The following CAMTA1 variants were observed in gnomAD, a reference collection of about 807,000 sequenced individuals.
CAMTA1 encodes calmodulin binding transcription activator 1.
In CAMTA1, 27 loss-of-function variants were observed where a neutral mutation model predicts 170.9. That is an observed-to-expected ratio of 0.16 (90% CI 0.12 to 0.22). CAMTA1 has a LOEUF of 0.22. CAMTA1 is among the 10% of genes least tolerant of loss of function. The pLI is 1.00. For missense variants in CAMTA1, 1,619 were observed against 2,217.2 expected (o/e 0.73, Z 5.42); for synonymous variants, 833 against 891.5 (o/e 0.93, Z 1.17).
intron 3 of CAMTA1, among the ~76,000 whole-genome samples, chr1:6,916,519 CCTT>C (rs1241575459): frequency 1.3e-5 from 2 of 152,218 alleles, no homozygotes; most frequent in Non-Finnish European, 2.9e-5. Flanking sequence ...AATTCTCTCT[CCTT>C]CTTTAAACTT....
At chr1:7,646,587 G>A (rs1005398406) in intron 7 of CAMTA1, among the ~76,000 whole-genome samples, 2 of 150,674 alleles carry the variant, frequency 1.3e-5, no homozygotes, top group African/African-American at 4.9e-5. Flanking sequence ...TGAGTTGGGT[G>A]GAGGCTCTGG....
chr1:7,423,352 C>A (rs1296043175), intron 5 of CAMTA1, among the ~76,000 whole-genome samples: 1 of 152,036 alleles, frequency 6.6e-6, no homozygotes, highest in Non-Finnish European at 1.5e-5. Context: ...TGCCTGTAAT[C>A]CCAGCTACTT....
chr1:6,799,758 AGTT>A (rs1407743321), intron 1 of CAMTA1, among the ~76,000 whole-genome samples: 2 of 152,146 alleles, frequency 1.3e-5, no homozygotes, highest in African/African-American at 4.8e-5. Flanking sequence ...CTGTAATAAA[AGTT>A]GTGTGAATGT....
At position 7,751,100 on chromosome 1, in the gene CAMTA1, A is replaced by C. The variant is rs186810433; in HGVS notation, c.4690-99A>C. 7.2e-6 allele frequency: 7 copies of C among 977,230 alleles called. No individual in the cohort carries two copies. In the East Asian group the frequency reaches 1.4e-4, roughly 20 times the overall value. The allele number at this position is 977,230 out of a possible 1,614,324, so 60.5% of individuals were successfully genotyped here. On this transcript the variant is annotated intron_variant, in intron 19 of 22. Coordinates refer to ENST00000303635, the MANE Select transcript of CAMTA1 (RefSeq NM_015215.4). ...ACAGAGAATGTGATAATAGAGGGGA[A>C]AAGCATTTTCTCTTCTTCCCTTCCC... is the stretch of plus-strand genomic sequence containing the variant.
chr1:6,976,307 G>A (rs1398191231), intron 3 of CAMTA1, among the ~76,000 whole-genome samples: 1 of 152,214 alleles, frequency 6.6e-6, no homozygotes, highest in African/African-American at 2.4e-5. Context: ...GTGTGTGTGT[G>A]AGATGGGGCA....
intron 6 of CAMTA1, among the ~76,000 whole-genome samples, chr1:7,558,217 GT>G (rs1247192360): frequency 2.0e-5 from 3 of 152,360 alleles, no homozygotes; most frequent in Admixed American, 2.0e-4. Context: ...GGCCTGTGCT[GT>G]GCCTGCTCTC....
chr1:7,524,223 G>T (rs761964818), intron 6 of CAMTA1, among the ~76,000 whole-genome samples: 2 of 152,136 alleles, frequency 1.3e-5, no homozygotes, highest in Non-Finnish European at 2.9e-5. Flanking sequence ...ACACAAAAAA[G>T]AATTTCATTT....
intron 7 of CAMTA1, among the ~76,000 whole-genome samples, chr1:7,647,448 T>C (rs573940557): frequency 1.3e-5 from 2 of 152,206 alleles, no homozygotes; most frequent in African/African-American, 4.8e-5. Context: ...CGCTCGGAGA[T>C]GGGAGCCCCA....
chr1:7,180,610 C>A (rs1249116953), intron 4 of CAMTA1, among the ~76,000 whole-genome samples: 1 of 148,512 alleles, frequency 6.7e-6, no homozygotes, highest in East Asian at 2.0e-4. Flanking sequence ...ATCTCCCAGG[C>A]TCAAGCCATC....
rs142895122 is a variant in CAMTA1, at chr1:7,211,165, A to G, written c.303-38326A>G. On this transcript the variant is annotated intron_variant, in intron 4 of 22. Transcript: ENST00000303635. The stretch of plus-strand genomic sequence containing the variant: ...AATTGCATTTCAAAGTAAGTTGTAG[A>G]TGTCAGCACACTTCATCCATAAACA... Among the ~76,000 whole-genome samples, 327 of 152,348 alleles carry G rather than the reference A, an allele frequency of 2.1e-3. 1 individual carries two copies. The highest frequency in any genetic ancestry group is 7.4e-3 in the African/African-American group (307 of 41,582).
At chr1:7,703,433 G>A (rs977003177) in intron 11 of CAMTA1, among the ~76,000 whole-genome samples, 3 of 152,170 alleles carry the variant, frequency 2.0e-5, no homozygotes, top group Non-Finnish European at 4.4e-5. Flanking sequence ...TACAGTGGGT[G>A]GCAGCCCCCA....
chr1:7,422,086 A>G (rs1188083947), intron 5 of CAMTA1, among the ~76,000 whole-genome samples: 1 of 152,156 alleles, frequency 6.6e-6, no homozygotes, highest in Admixed American at 6.5e-5. Context: ...CCATGAGAAC[A>G]TAAAGCAGGG....
At chr1:6,954,781 C>T (rs1689146888) in intron 3 of CAMTA1, among the ~76,000 whole-genome samples, 1 of 152,136 alleles carries the variant, frequency 6.6e-6, no homozygotes, top group African/African-American at 2.4e-5. Context: ...CGCAGGCAGG[C>T]ACTTGTTTCT....
chr1:7,664,588 T>C lies in CAMTA1; in HGVS notation c.2041T>C (p.Phe681Leu). The change falls in exon 9 of 23, where the codon TTC (phenylalanine) becomes CTC (leucine). Residue 681 changes from phenylalanine to leucine, a missense_variant. Physicochemically the swap from Phe to Leu is conservative, Grantham distance 22 (BLOSUM62 0). Coordinates refer to ENST00000303635, the MANE Select transcript of CAMTA1 (RefSeq NM_015215.4). The stretch of plus-strand genomic sequence containing the variant: ...CCACCTCATGCAGTTCCAGGCCAAC[T>C]TCCAGGCCATGACGGCAGAAGGGGA... ...SLHLMQFQAN[F>L]QAMTAEGEVT... is the part of the protein sequence containing the mutation. 6.2e-7 allele frequency: 1 copy of C among 1,612,714 alleles called. No individual in the cohort carries two copies. The highest frequency in any genetic ancestry group is 8.5e-7 in the Non-Finnish European group (1 of 1,179,726).
chr1:6,836,376 C>T (rs1245184173), intron 3 of CAMTA1, among the ~76,000 whole-genome samples: 1 of 152,128 alleles, frequency 6.6e-6, no homozygotes, highest in Non-Finnish European at 1.5e-5. Context: ...GAAGAATATT[C>T]TCTGTAAGGA....
At chr1:7,104,617 C>A (rs927449790) in intron 4 of CAMTA1, among the ~76,000 whole-genome samples, 12 of 152,196 alleles carry the variant, frequency 7.9e-5, no homozygotes, top group Non-Finnish European at 1.0e-4. Flanking sequence ...TCAGACCCAC[C>A]TGTCCCAGTG....
intron 3 of CAMTA1, among the ~76,000 whole-genome samples, chr1:6,911,830 T>C (rs936110862): frequency 1.3e-5 from 2 of 152,262 alleles, no homozygotes; most frequent in African/African-American, 2.4e-5. Context: ...CTGCGGGCTC[T>C]GTTCCGCGAG....
At chr1:7,075,452 G>A (rs146385305) in intron 3 of CAMTA1, among the ~76,000 whole-genome samples, 4 of 152,172 alleles carry the variant, frequency 2.6e-5, no homozygotes, top group Admixed American at 6.5e-5. Context: ...TTGGTTTCAG[G>A]ACTCACTGGT....
intron 5 of CAMTA1, among the ~76,000 whole-genome samples, chr1:7,392,410 C>T (rs1055947854): frequency 2.0e-5 from 3 of 151,818 alleles, no homozygotes; most frequent in Admixed American, 6.5e-5. Flanking sequence ...CATGTGCCAC[C>T]ACACCCAGCT....
Sources: gnomAD v4.1 joint callset for allele counts (sites outside exome capture counted in the v4.1 genomes callset) on GRCh38, gnomAD v4.1.1 for gene constraint, MANE v1.5 for transcripts, NCBI Gene and HGNC (gene_info 2026-07-23, HGNC 2026-07-21) for gene names.